The following CHLSN variants were observed in gnomAD, a reference collection of about 807,000 sequenced individuals.
CHLSN encodes protein cholesin.
the CHLSN span, chr7:989,139 C>G: frequency 2.6e-6 from 1 of 380,340 alleles, no homozygotes; most frequent in Non-Finnish European, 4.7e-6. Context: ...CCCCAGGGCC[C>G]CCCAGCACCT....
the CHLSN span, among the ~76,000 whole-genome samples, chr7:1,096,592 AG>A: frequency 6.6e-6 from 1 of 152,240 alleles, no homozygotes; most frequent in African/African-American, 2.4e-5. This position sits in a 1 kb window ranked among gnomAD's most constrained non-coding sequence, Gnocchi z 4.6. Context: ...GATAAAATCA[AG>A]GCGTCTTAAC....
chr7:1,011,379 ACAGACACC>A, the CHLSN span, among the ~76,000 whole-genome samples: 1 of 147,844 alleles, frequency 6.8e-6, no homozygotes, highest in Non-Finnish European at 1.5e-5. Context: ...CAACAAATCC[ACAGACACC>A]CAGACACCCA....
chr7:980,148 C>T, the CHLSN span, among the ~76,000 whole-genome samples: 69,025 of 152,074 alleles, frequency 0.45, 15,899 homozygotes, highest in East Asian at 0.59. Context: ...CTGCCACAGC[C>T]GACAGGTGCG....
chr7:1,062,658 T>C, the CHLSN span, among the ~76,000 whole-genome samples: 3 of 152,206 alleles, frequency 2.0e-5, no homozygotes, highest in African/African-American at 7.2e-5. Context: ...TCTGTGGCCC[T>C]GAGGATGGAA....
the CHLSN span, chr7:1,028,716 C>T: frequency 1.5e-6 from 1 of 686,114 alleles, no homozygotes; most frequent in Non-Finnish European, 1.8e-6. Context: ...ATCCTCTCAT[C>T]TCCCCCAATC....
At chr7:1,082,709 C>G in the CHLSN span, among the ~76,000 whole-genome samples, 3 of 152,204 alleles carry the variant, frequency 2.0e-5, no homozygotes. Flanking sequence ...GATCCTGGTC[C>G]TGTGTCCAGC....
the CHLSN span, among the ~76,000 whole-genome samples, chr7:1,041,442 G>A: frequency 6.6e-6 from 1 of 152,070 alleles, no homozygotes; most frequent in South Asian, 2.1e-4. Flanking sequence ...CGGGGAAGGG[G>A]ACCTGGGCTC....
chr7:1,072,724 C>G, the CHLSN span, among the ~76,000 whole-genome samples: 1 of 142,682 alleles, frequency 7.0e-6, no homozygotes, highest in Non-Finnish European at 1.5e-5. Context: ...CTCCATCGTG[C>G]CCAGGCTAGA....
At chr7:1,020,289 T>C in the CHLSN span, among the ~76,000 whole-genome samples, 3 of 152,106 alleles carry the variant, frequency 2.0e-5, no homozygotes, top group Admixed American at 2.0e-4. Context: ...GGGCACCCCT[T>C]GCTCCCATCA....
At chr7:1,018,096 G>A in the CHLSN span, among the ~76,000 whole-genome samples, 1 of 152,054 alleles carries the variant, frequency 6.6e-6, no homozygotes, top group Non-Finnish European at 1.5e-5. Flanking sequence ...GCATACACAC[G>A]CGTGCACACA....
chr7:987,258 C>T, the CHLSN span: 61 of 1,508,798 alleles, frequency 4.0e-5, no homozygotes, highest in African/African-American at 7.6e-4. Flanking sequence ...GAGACCCCGG[C>T]GCCTGGCGAG....
At chr7:1,046,382 A>G in the CHLSN span, among the ~76,000 whole-genome samples, 2 of 152,164 alleles carry the variant, frequency 1.3e-5, no homozygotes, top group Non-Finnish European at 2.9e-5. Flanking sequence ...TTTTCTGTCA[A>G]CAGTGTTTCC....
At chr7:1,059,664 T>C in the CHLSN span, among the ~76,000 whole-genome samples, 3 of 44,440 alleles carry the variant, frequency 6.8e-5, no homozygotes, top group Non-Finnish European at 1.3e-4. Context: ...GGGGGGCGGG[T>C]CCATAGTGAG....
chr7:1,104,230 G>A, the CHLSN span, among the ~76,000 whole-genome samples: 1 of 152,238 alleles, frequency 6.6e-6, no homozygotes, highest in African/African-American at 2.4e-5. Flanking sequence ...CGAGGCAAGG[G>A]CCTCAACACT....
chr7:1,028,647 GC>G, the CHLSN span: 1 of 923,354 alleles, frequency 1.1e-6, no homozygotes, highest in Non-Finnish European at 1.3e-6. Flanking sequence ...GCCTCTGACC[GC>G]CCCCACCCAG....
the CHLSN span, among the ~76,000 whole-genome samples, chr7:1,134,372 G>A: frequency 1.3e-5 from 2 of 151,696 alleles, no homozygotes; most frequent in Non-Finnish European, 2.9e-5. Context: ...TCAGGAGTTC[G>A]AGACTAGGCT....
At chr7:994,755 G>A in the CHLSN span, among the ~76,000 whole-genome samples, 2 of 152,224 alleles carry the variant, frequency 1.3e-5, no homozygotes, top group Admixed American at 1.3e-4. Flanking sequence ...ATCAGTGTGT[G>A]GCTTGGTGTT....
the CHLSN span, chr7:1,059,136 C>T: frequency 3.6e-5 from 6 of 168,496 alleles, no homozygotes. Flanking sequence ...CACCAAATGT[C>T]CCTGACACCC....
At chr7:1,098,831 C>T in the CHLSN span, among the ~76,000 whole-genome samples, 1 of 151,392 alleles carries the variant, frequency 6.6e-6, no homozygotes, top group Non-Finnish European at 1.5e-5. Context: ...CTGGGGTGAG[C>T]GGGGGACGGG....
Sources: allele counts gnomAD v4.1 joint callset (sites outside exome capture counted in the v4.1 genomes callset), GRCh38; gene constraint gnomAD v4.1.1; non-coding constraint Gnocchi (gnomAD v3.1); transcripts MANE v1.5; gene names NCBI Gene and HGNC (gene_info 2026-07-23, HGNC 2026-07-21).